The following ZNF385B variants were observed in gnomAD, a reference collection of about 807,000 sequenced individuals.
ZNF385B encodes zinc finger protein 533.
In ZNF385B, 23 loss-of-function variants were observed where a neutral mutation model predicts 39.2. The ratio of observed to expected loss-of-function variants is 0.59; its 90% CI spans 0.42 to 0.83. ZNF385B has a LOEUF of 0.83. ZNF385B is among the 40% of genes least tolerant of loss of function. The probability of loss-of-function intolerance (pLI) is 0.00; values close to 1 mark genes in which losing one functional copy is unlikely to be tolerated. For missense variants in ZNF385B, 552 were observed against 598.9 expected, an observed-to-expected ratio of 0.92 and a Z score of 0.82; for synonymous variants, 205 against 222.6, an observed-to-expected ratio of 0.92 and a Z score of 0.70.
chr2:179,529,693 T>C (rs1009688416), intron 4 of ZNF385B, among the ~76,000 whole-genome samples: 1 of 152,124 alleles, frequency 6.6e-6, no homozygotes. Flanking sequence ...GCTATCAATA[T>C]GTTTTGTATG....
chr2:179,771,905 C>G (rs1401718270), intron 1 of ZNF385B, among the ~76,000 whole-genome samples: 1 of 152,092 alleles, frequency 6.6e-6, no homozygotes, highest in East Asian at 1.9e-4. Flanking sequence ...GGCCAGGCAC[C>G]ATCGTACTCA....
chr2:179,655,506 C>A (rs1693656399), intron 3 of ZNF385B, among the ~76,000 whole-genome samples: 2 of 149,258 alleles, frequency 1.3e-5, no homozygotes, highest in South Asian at 4.3e-4. Context: ...AAAAAAAAAC[C>A]CTGAACACAT....
intron 3 of ZNF385B, among the ~76,000 whole-genome samples, chr2:179,642,510 C>T (rs760242301): frequency 1.9e-4 from 29 of 152,026 alleles, no homozygotes; most frequent in South Asian, 4.1e-4. Flanking sequence ...TACTCTTGTT[C>T]GAACCAGCAT....
intron 3 of ZNF385B, among the ~76,000 whole-genome samples, chr2:179,696,577 T>C (rs888043177): frequency 6.6e-6 from 1 of 152,118 alleles, no homozygotes; most frequent in Non-Finnish European, 1.5e-5. Context: ...CACTTAGTGA[T>C]ACTCCCATGC....
chr2:179,495,531 G>A (rs2056111246), intron 5 of ZNF385B, among the ~76,000 whole-genome samples: 1 of 152,192 alleles, frequency 6.6e-6, no homozygotes, highest in African/African-American at 2.4e-5. Flanking sequence ...GCCATGGAGT[G>A]GCTGCAACAG....
At chr2:179,630,525 C>T (rs1691104551) in intron 3 of ZNF385B, among the ~76,000 whole-genome samples, 1 of 152,202 alleles carries the variant, frequency 6.6e-6, no homozygotes, top group Non-Finnish European at 1.5e-5. Context: ...AGGTCACCAA[C>T]ATCAAAGACC....
chr2:179,584,057 C>T (rs1042795344), intron 3 of ZNF385B: 1 of 716,634 alleles, frequency 1.4e-6, no homozygotes, highest in Non-Finnish European at 2.2e-6. Context: ...TTTCCAAAAG[C>T]TTATAGTCTA....
At chr2:179,609,744 T>G (rs1372476021) in intron 3 of ZNF385B, among the ~76,000 whole-genome samples, 1 of 152,238 alleles carries the variant, frequency 6.6e-6, no homozygotes, top group Non-Finnish European at 1.5e-5. Flanking sequence ...CATTTGTTCT[T>G]GCCTGTCTTT....
rs1324830968 is a variant in ZNF385B, at chr2:179,549,799, C to T, written c.299-4830G>A. Among the ~76,000 whole-genome samples the T allele has an allele frequency of 1.3e-5, 2 of 149,328 alleles. 1 individual carries two copies. Among genetic ancestry groups the T allele is most frequent in the African/African-American group, 5.0e-5 (2 of 39,670 alleles). ...GAAGCATTTATCTGTAATGGCAAGT[C>T]TTCAGGTCAGCCCCATCCATTAGGG... On this transcript the variant is annotated intron_variant, in intron 3 of 9. Coordinates refer to ENST00000410066, the MANE Select transcript of ZNF385B (RefSeq NM_152520.6).
chr2:179,729,942 C>T (rs983287275), intron 3 of ZNF385B, among the ~76,000 whole-genome samples: 1 of 152,188 alleles, frequency 6.6e-6, no homozygotes, highest in African/African-American at 2.4e-5. Context: ...CCTCCCCAGC[C>T]ATCTGGAACT....
At chr2:179,708,114 T>C (rs1192572513) in intron 3 of ZNF385B, among the ~76,000 whole-genome samples, 4 of 152,358 alleles carry the variant, frequency 2.6e-5, no homozygotes, top group South Asian at 2.1e-4. Flanking sequence ...ATACTGAAGC[T>C]GATATGGTTT....
chr2:179,661,748 G>A (rs997556710), intron 3 of ZNF385B, among the ~76,000 whole-genome samples: 8 of 152,080 alleles, frequency 5.3e-5, no homozygotes, highest in African/African-American at 1.7e-4. Context: ...AATCATTTGC[G>A]TCTTATAATA....
intron 4 of ZNF385B, among the ~76,000 whole-genome samples, chr2:179,525,756 G>T (rs1395378743): frequency 6.6e-6 from 1 of 152,120 alleles, no homozygotes. Context: ...TGACCATAGG[G>T]TCTCAACAGA....
At chr2:179,841,752 A>G (rs528255012) in intron 1 of ZNF385B, among the ~76,000 whole-genome samples, 1 of 152,338 alleles carries the variant, frequency 6.6e-6, no homozygotes, top group African/African-American at 2.4e-5. Context: ...AAAATCCTAG[A>G]GAGAATTTCT....
chr2:179,688,582 G>A (rs1194392229), intron 3 of ZNF385B, among the ~76,000 whole-genome samples: 6 of 152,192 alleles, frequency 3.9e-5, no homozygotes, highest in African/African-American at 7.2e-5. Context: ...GAGTGCCAAT[G>A]CTCTGAGGCT....
At chr2:179,583,328 A>G (rs1265986583) in intron 3 of ZNF385B, among the ~76,000 whole-genome samples, 1 of 152,166 alleles carries the variant, frequency 6.6e-6, no homozygotes, top group Non-Finnish European at 1.5e-5. Context: ...TAAACTATCA[A>G]TTTAAGCCAT....
At chr2:179,571,855 G>A (rs751108745) in intron 3 of ZNF385B, among the ~76,000 whole-genome samples, 1 of 151,976 alleles carries the variant, frequency 6.6e-6, no homozygotes, top group Non-Finnish European at 1.5e-5. Flanking sequence ...AGGCCAAAGG[G>A]ATCGGCCCAC....
intron 6 of ZNF385B, among the ~76,000 whole-genome samples, chr2:179,463,250 A>G (rs1199095740): frequency 2.0e-5 from 3 of 152,072 alleles, no homozygotes; most frequent in African/African-American, 7.2e-5. Flanking sequence ...GAAATGGGGA[A>G]GCTGGATGAG....
At chr2:179,833,432 C>G (rs1341674305) in intron 1 of ZNF385B, among the ~76,000 whole-genome samples, 1 of 152,022 alleles carries the variant, frequency 6.6e-6, no homozygotes, top group Non-Finnish European at 1.5e-5. Flanking sequence ...ATACAACTCT[C>G]AGATATAAAT....
Sources: allele counts gnomAD v4.1 joint callset (sites outside exome capture counted in the v4.1 genomes callset), GRCh38; gene constraint gnomAD v4.1.1; transcripts MANE v1.5; gene names NCBI Gene and HGNC (gene_info 2026-07-23, HGNC 2026-07-21).